Variants in RNF19A observed in about 807,000 individuals in gnomAD.
RNF19A encodes E3 ubiquitin-protein ligase RNF19A.
A neutral mutation model predicts 75.7 loss-of-function variants in RNF19A; 32 were observed. That is an observed-to-expected ratio of 0.42 (90% CI 0.32 to 0.57). The LOEUF (loss-of-function observed/expected upper bound fraction) is 0.57, where lower values mean the gene tolerates loss of function less well. Ranked by LOEUF, RNF19A falls within the 20% of genes least tolerant of loss-of-function variation. The pLI, the probability that RNF19A is intolerant of heterozygous loss-of-function variation, is 0.10. For synonymous variants in RNF19A, 335 were observed against 345.2 expected (o/e 0.97, Z 0.33); for missense variants, 782 against 1,036.3 (o/e 0.75, Z 3.37).
intron 1 of RNF19A, among the ~76,000 whole-genome samples, chr8:100,292,326 A>G (rs76576998): frequency 6.1e-4 from 93 of 152,038 alleles, no homozygotes; most frequent in South Asian, 1.2e-3. Flanking sequence ...CAAGTCATTT[A>G]CATTTCACTT....
At chr8:100,319,096 C>T (rs531137549) in intron 1 of RNF19A, among the ~76,000 whole-genome samples, 2 of 152,280 alleles carry the variant, frequency 1.3e-5, no homozygotes, top group African/African-American at 4.8e-5. Context: ...TATTTTACAA[C>T]TAGTTCATTT....
upstream of RNF19A, chr8:100,312,316 C>G (rs1312433776): frequency 6.6e-6 from 1 of 152,266 alleles, no homozygotes; most frequent in Admixed American, 6.5e-5. Flanking sequence ...TAAAACTCCC[C>G]AAGTGTGCTG....
chr8:100,281,920 A>G (rs1820797450), intron 2 of RNF19A, among the ~76,000 whole-genome samples: 1 of 152,196 alleles, frequency 6.6e-6, no homozygotes, highest in Non-Finnish European at 1.5e-5. Context: ...AATATACTTG[A>G]GAGAAGGTCT....
At position 100,274,980 on chromosome 8, in the gene RNF19A, T is replaced by A; in HGVS notation, c.856A>T (p.Ser286Cys). 1 of 1,614,056 alleles carries A rather than the reference T, an allele frequency of 6.2e-7. No individual in the cohort carries two copies. The highest frequency in any genetic ancestry group is 8.5e-7 in the Non-Finnish European group (1 of 1,179,932). Residue 286 changes from serine (S) to cysteine (C), a missense_variant, in exon 3 of 10, where the codon AGT becomes TGT. Physicochemically the swap from Ser to Cys is moderately radical, Grantham distance 112. Coordinates refer to ENST00000341084, the MANE Select transcript of RNF19A (RefSeq NM_183419.4). ...RLRTIRSSSI[S>C]YSQESGAAAD... ...GCTGCTCCAGACTCTTGACTATAAC[T>A]AATGGATGAAGAACGTATAGTTCTC...
intron 3 of RNF19A, among the ~76,000 whole-genome samples, chr8:100,273,033 T>C (rs1309684414): frequency 1.3e-5 from 2 of 152,016 alleles, no homozygotes; most frequent in Non-Finnish European, 2.9e-5. Flanking sequence ...GCCCGGCTAA[T>C]TTTTTAAATT....
At chr8:100,313,404 G>A (rs1243607815), upstream of RNF19A, 11 of 691,042 alleles carry the variant, frequency 1.6e-5, no homozygotes, top group Non-Finnish European at 2.0e-5. Context: ...AACTAGTTAG[G>A]AGGTGGGGAA....
intron 3 of RNF19A, among the ~76,000 whole-genome samples, chr8:100,273,183 C>G (rs140368875): frequency 0.015 from 2,274 of 152,302 alleles, 55 homozygotes; most frequent in Admixed American, 0.067. Flanking sequence ...TTTAAACAAA[C>G]ATGGAACAAA....
At chr8:100,278,648 G>A (rs987646741) in intron 2 of RNF19A, among the ~76,000 whole-genome samples, 1 of 151,914 alleles carries the variant, frequency 6.6e-6, no homozygotes, top group African/African-American at 2.4e-5. Flanking sequence ...AATATACAAG[G>A]CAGATTAATA....
chr8:100,304,738 C>A (rs1360434362), intron 1 of RNF19A, among the ~76,000 whole-genome samples: 1 of 152,122 alleles, frequency 6.6e-6, no homozygotes, highest in Non-Finnish European at 1.5e-5. Context: ...GTTACTGATT[C>A]CAATGTGGGA....
Position 100,264,820 on chromosome 8 carries a change from G to A in RNF19A, c.1192-35C>T, listed in dbSNP as rs760997435. 7.1e-7 allele frequency: 1 copy of A among 1,403,526 alleles called. No individual in the cohort carries two copies. Among genetic ancestry groups the A allele is most frequent in the Admixed American group, 1.7e-5 (1 of 58,224 alleles). 86.9% of individuals were successfully genotyped at this position (1,403,526 alleles called of 1,614,324 possible). A position where few individuals can be genotyped will look rare whatever the true frequency, so the allele number is the denominator to read the frequency against. ...ATAAAAATAGGGGTGGGGGATTAAA[G>A]AGAAAATACATTACAATTTAACTTA... On this transcript the variant is annotated intron_variant, in intron 5 of 9. Coordinates refer to ENST00000341084, the MANE Select transcript of RNF19A (RefSeq NM_183419.4). The surrounding 1 kb of genome is among the most constrained non-coding windows in gnomAD (Gnocchi z 4.7).
chr8:100,263,884 G>A (rs111354706), intron 7 of RNF19A, 150 bp downstream of exon 7: 1 of 537,036 alleles, frequency 1.9e-6, no homozygotes, highest in Non-Finnish European at 3.2e-6. Flanking sequence ...CTCCTCCTTG[G>A]CAGTTTATTC....
In RNF19A at chr8:100,258,457, C is replaced by T. The variant is rs539051318; in HGVS notation, c.*99G>A. 2.4e-5 allele frequency: 23 copies of T among 958,552 alleles called. No individual in the cohort carries two copies. Among genetic ancestry groups the T allele is most frequent in the Non-Finnish European group, 2.7e-5 (17 of 633,710 alleles). 59.4% of individuals were successfully genotyped at this position (958,552 alleles called of 1,614,324 possible). On this transcript the variant is annotated 3_prime_UTR_variant, in exon 10 of 10. Coordinates refer to ENST00000341084, the MANE Select transcript of RNF19A (RefSeq NM_183419.4). This position sits in a 1 kb window ranked among gnomAD's most constrained non-coding sequence, Gnocchi z 4.3. ...GTATCTGCATTATGATAATGAAACC[C>T]GGCTTTTGCTGGTAACCTGAAACTT...
rs1822490153 is a variant in RNF19A at position 100,323,487 on chromosome 8, T to A, written c.-242-10115A>T. On this transcript the variant is annotated intron_variant, in intron 1 of 3. Transcript: ENST00000519527. This position sits in a 1 kb window ranked among gnomAD's most constrained non-coding sequence, Gnocchi z 4.6. The stretch of plus-strand genomic sequence containing the variant: ...CACGTTTCACCCTTCTTTTCTGCCA[T>A]CCATTCTTAGAATTGTCACATTAAC... 6.6e-6 allele frequency among the ~76,000 whole-genome samples: 1 copy of A among 152,242 alleles called. No homozygotes were observed. The highest frequency in any genetic ancestry group is 6.5e-5 in the Admixed American group (1 of 15,282).
chr8:100,311,646 C>T (rs1242493753), upstream of RNF19A, among the ~76,000 whole-genome samples: 2 of 139,410 alleles, frequency 1.4e-5, no homozygotes, highest in Non-Finnish European at 1.5e-5. Context: ...TGAACCCGGG[C>T]GGCGGAGCTT....
At chr8:100,288,786 C>T (rs888582726) in intron 1 of RNF19A, among the ~76,000 whole-genome samples, 3 of 152,242 alleles carry the variant, frequency 2.0e-5, no homozygotes, top group East Asian at 1.9e-4. Context: ...ATAGGCCAGG[C>T]GCGGTGGCTC....
rs1341155716 is a variant in RNF19A at position 100,334,584 on chromosome 8, T to C, written c.-243+1524A>G. On this transcript the variant is annotated intron_variant, in intron 1 of 3. Coordinates refer to the RNF19A transcript ENST00000519527. ...AAATATGGCTGCTCACCTTCTCCCTTTCTTGTGCCCCACCTCCGAGCTCCA... is the reference window on the plus strand; with the variant it reads ...AAATATGGCTGCTCACCTTCTCCCTCTCTTGTGCCCCACCTCCGAGCTCCA... Among the ~76,000 whole-genome samples the C allele has an allele frequency of 2.6e-5, 4 of 152,214 alleles. No individual in the cohort carries two copies. In the South Asian group the frequency reaches 8.3e-4, roughly 32 times the overall value.
intron 2 of RNF19A, among the ~76,000 whole-genome samples, chr8:100,280,070 C>G (rs1667337142): frequency 6.6e-6 from 1 of 152,170 alleles, no homozygotes; most frequent in African/African-American, 2.4e-5. Context: ...AATTCCTCCA[C>G]TTTGATAATG....
rs759892328 is a variant in RNF19A, at chr8:100,259,285, ACTT to A, written c.1827-42_1827-40del. 3 of 1,524,520 alleles carry A rather than the reference ACTT, an allele frequency of 2.0e-6. No individual in the cohort carries two copies. In the East Asian group the frequency reaches 6.8e-5, roughly 34 times the overall value. The allele number at this position is 1,524,520 out of a possible 1,614,324, so 94.4% of individuals were successfully genotyped here. ...GTAACAAATACAAACATAATTGCTG[ACTT>A]CTTTTTGTTCAGATGACTGGGGGAA... On this transcript the variant is annotated intron_variant, in intron 9 of 9. Transcript: ENST00000341084. This position sits in a 1 kb window ranked among gnomAD's most constrained non-coding sequence, Gnocchi z 4.5.
chr8:100,282,720 G>A (rs1820838580), intron 2 of RNF19A, among the ~76,000 whole-genome samples: 1 of 152,158 alleles, frequency 6.6e-6, no homozygotes, highest in Non-Finnish European at 1.5e-5. Flanking sequence ...AGCATTTCCA[G>A]CATGTCAAAA....
Sources: allele counts gnomAD v4.1 joint callset (sites outside exome capture counted in the v4.1 genomes callset), GRCh38; gene constraint gnomAD v4.1.1; non-coding constraint Gnocchi (gnomAD v3.1); transcripts MANE v1.5; gene names NCBI Gene and HGNC (gene_info 2026-07-23, HGNC 2026-07-21).